ADAMTSL1: variants seen among roughly 807,000 people sequenced by gnomAD.
ADAMTSL1 encodes the protein ADAMTS like 1, also known as ADAMTS-like protein 1.
A neutral mutation model predicts 201.8 loss-of-function variants in ADAMTSL1; 126 were observed. That is an observed-to-expected ratio of 0.62 (90% CI 0.54 to 0.72). The LOEUF (loss-of-function observed/expected upper bound fraction) is 0.72. Ranked by LOEUF, ADAMTSL1 falls within the 30% of genes least tolerant of loss-of-function variation. The probability of loss-of-function intolerance (pLI) is 0.00; values close to 1 mark genes in which losing one functional copy is unlikely to be tolerated. For missense variants in ADAMTSL1, 2,679 were observed against 2,277.8 expected (o/e 1.18, Z -3.59); for synonymous variants, 1,121 against 903.4 (o/e 1.24, Z -4.32).
At chr9:18,795,932 G>T (rs964783568) in intron 20 of ADAMTSL1, among the ~76,000 whole-genome samples, 1 of 152,150 alleles carries the variant, frequency 6.6e-6, no homozygotes, top group Non-Finnish European at 1.5e-5. Context: ...GAAAGACTAC[G>T]ACCCATAAAT....
intron 2 of ADAMTSL1, among the ~76,000 whole-genome samples, chr9:18,205,475 T>A (rs1386604449): frequency 6.6e-6 from 1 of 151,880 alleles, no homozygotes; most frequent in Non-Finnish European, 1.5e-5. Flanking sequence ...TGAGTAAATC[T>A]GGGAAAAAAA....
At chr9:17,934,065 T>C (rs779544004) in intron 1 of ADAMTSL1, among the ~76,000 whole-genome samples, 2 of 152,316 alleles carry the variant, frequency 1.3e-5, no homozygotes, top group East Asian at 1.9e-4. Flanking sequence ...GACTTTGATA[T>C]TGGCAGTCTG....
rs537012414 is a variant in ADAMTSL1, at chr9:18,701,715, A to C, written c.1575-5032A>C. Among the ~76,000 whole-genome samples, 12 of 152,258 alleles carry C rather than the reference A, an allele frequency of 7.9e-5. No individual in the cohort carries two copies. In the East Asian group the frequency reaches 1.7e-3, roughly 22 times the overall value. ...ACCTAAATTGAGTATTTTTAATGAG[A>C]CTTCCTGCATGTTTCAATTTGCATT... is the stretch of plus-strand genomic sequence containing the variant. On this transcript the variant is annotated intron_variant, in intron 13 of 28. Transcript: ENST00000380548.
chr9:18,289,358 G>C (rs1833160075), intron 2 of ADAMTSL1, among the ~76,000 whole-genome samples: 1 of 152,150 alleles, frequency 6.6e-6, no homozygotes, highest in South Asian at 2.1e-4. Flanking sequence ...CAGATACCCA[G>C]AATGATGTTT....
At chr9:18,720,393 A>G (rs1347897591) in intron 14 of ADAMTSL1, among the ~76,000 whole-genome samples, 1 of 152,204 alleles carries the variant, frequency 6.6e-6, no homozygotes, top group East Asian at 1.9e-4. Context: ...TAGCGTTGGT[A>G]CCTGGTTAAT....
At chr9:18,648,585 G>A (rs1261728013) in intron 7 of ADAMTSL1, among the ~76,000 whole-genome samples, 5 of 151,334 alleles carry the variant, frequency 3.3e-5, no homozygotes, top group Admixed American at 1.3e-4. Flanking sequence ...CAGGCCTGGT[G>A]GTGACAAAAT....
chr9:18,139,391 G>A (rs1313060561), intron 1 of ADAMTSL1, among the ~76,000 whole-genome samples: 2 of 152,136 alleles, frequency 1.3e-5, no homozygotes, highest in African/African-American at 2.4e-5. Context: ...AGCAACAAGA[G>A]TGTCTTCATT....
chr9:18,145,637 G>A (rs1444542913), intron 1 of ADAMTSL1, among the ~76,000 whole-genome samples: 1 of 152,084 alleles, frequency 6.6e-6, no homozygotes, highest in African/African-American at 2.4e-5. Flanking sequence ...AGTGTAAAAT[G>A]CAAACCTATG....
rs575485292 is a variant in ADAMTSL1, at chr9:18,616,779, C to G, written c.475-5464C>G. ...TACCTTTGCCTTTTTGCTCCATTCACTCATTTGTTCTTGTGAATTTTATGG... is the reference window on the plus strand; with the variant it reads ...TACCTTTGCCTTTTTGCTCCATTCAGTCATTTGTTCTTGTGAATTTTATGG... On this transcript the variant is annotated intron_variant, in intron 4 of 28. Coordinates refer to ENST00000380548, the MANE Select transcript of ADAMTSL1 (RefSeq NM_001040272.6). Among the ~76,000 whole-genome samples, 130 of 152,230 alleles carry G rather than the reference C, an allele frequency of 8.5e-4. 1 individual carries two copies. In the Middle Eastern group the frequency reaches 0.031, roughly 36 times the overall value.
chr9:18,310,498 A>C (rs1187996354), intron 2 of ADAMTSL1, among the ~76,000 whole-genome samples: 1 of 151,964 alleles, frequency 6.6e-6, no homozygotes, highest in Non-Finnish European at 1.5e-5. Flanking sequence ...TAAGGAACTT[A>C]AACAAATTTA....
chr9:18,790,868 A>C (rs1438712670), intron 19 of ADAMTSL1, among the ~76,000 whole-genome samples: 1 of 152,178 alleles, frequency 6.6e-6, no homozygotes, highest in East Asian at 1.9e-4. Flanking sequence ...AGGAGTATTG[A>C]TATACCTAGC....
At chr9:17,937,519 GA>G (rs972887248) in intron 1 of ADAMTSL1, among the ~76,000 whole-genome samples, 62 of 151,312 alleles carry the variant, frequency 4.1e-4, no homozygotes, top group African/African-American at 6.3e-4. Context: ...GTTTCTATGG[GA>G]AAAAAAATGG....
intron 2 of ADAMTSL1, among the ~76,000 whole-genome samples, chr9:18,394,908 T>G (rs1817688979): frequency 6.6e-6 from 1 of 152,210 alleles, no homozygotes; most frequent in South Asian, 2.1e-4. Flanking sequence ...GAAAAAAGTC[T>G]GCAAATGGAA....
chr9:17,966,548 CA>C (rs1817985102), intron 1 of ADAMTSL1, among the ~76,000 whole-genome samples: 1 of 152,068 alleles, frequency 6.6e-6, no homozygotes, highest in African/African-American at 2.4e-5. Context: ...GTTTTATCAA[CA>C]AAATGTGATT....
chr9:18,817,146 C>A lies in ADAMTSL1; in HGVS notation c.3843C>A (p.Ile1281=). Residue 1281 remains isoleucine, a synonymous_variant, in exon 21 of 29, where the codon ATC becomes ATA. Transcript: ENST00000380548. ...TGAAAACGTCACGAATGACAGTGAT[C>A]AACACGGAGAAGCCTGCAGTCACAG... is the stretch of plus-strand genomic sequence containing the variant. ...PLVKTSRMTV[I]NTEKPAVTVD... 1 of 1,603,210 alleles carries A rather than the reference C, an allele frequency of 6.2e-7. No individual in the cohort carries two copies. Among genetic ancestry groups the A allele is most frequent in the South Asian group, 1.1e-5 (1 of 88,558 alleles).
At chr9:18,563,268 C>T (rs1232320338) in intron 3 of ADAMTSL1, among the ~76,000 whole-genome samples, 2 of 152,190 alleles carry the variant, frequency 1.3e-5, no homozygotes, top group African/African-American at 2.4e-5. Context: ...AGTCAGGCTC[C>T]TCTGCTGCAG....
chr9:18,174,371 A>T (rs544312706), intron 2 of ADAMTSL1, among the ~76,000 whole-genome samples: 1 of 152,232 alleles, frequency 6.6e-6, no homozygotes, highest in South Asian at 2.1e-4. Context: ...GTGGTTGGGG[A>T]TTCTTCTAGT....
intron 7 of ADAMTSL1, among the ~76,000 whole-genome samples, chr9:18,648,697 A>G (rs1313327474): frequency 1.3e-5 from 2 of 151,878 alleles, no homozygotes; most frequent in Non-Finnish European, 2.9e-5. Flanking sequence ...CTTTTCTTTA[A>G]GAATGTTGAA....
Position 18,863,588 on chromosome 9 carries a change from G to A in ADAMTSL1, c.4250-24243G>A, listed in dbSNP as rs77553077. Among the ~76,000 whole-genome samples, 542 of 152,248 alleles carry A rather than the reference G, an allele frequency of 3.6e-3. 1 individual carries two copies. The highest frequency in any genetic ancestry group is 5.8e-3 in the Non-Finnish European group (392 of 68,016). ...TTGTCTTCTCCCACAGCCTTCTAGG[G>A]TCCAGCTGACAAATGGAGGGAGTAA... On this transcript the variant is annotated intron_variant, in intron 23 of 28. Transcript: ENST00000380548.
Sources: gnomAD v4.1 joint callset for allele counts (sites outside exome capture counted in the v4.1 genomes callset) on GRCh38, gnomAD v4.1.1 for gene constraint, MANE v1.5 for transcripts, NCBI Gene and HGNC (gene_info 2026-07-23, HGNC 2026-07-21) for gene names.